Variants in SIRT3 observed in about 807,000 individuals in gnomAD.
The protein encoded by SIRT3 is sirtuin 3.
SIRT3 carries 26 observed loss-of-function variants against 33.5 expected under a neutral mutation model. That is an observed-to-expected ratio of 0.78 (90% CI 0.57 to 1.08). The LOEUF (loss-of-function observed/expected upper bound fraction) is 1.08, where lower values mean the gene tolerates loss of function less well. SIRT3 is among the 50% of genes least tolerant of loss of function. The pLI is 0.00. For missense variants in SIRT3, 585 were observed against 530.1 expected (o/e 1.10, Z -1.02); for synonymous variants, 237 against 222.1 (o/e 1.07, Z -0.60).
chr11:236,720 T>G (rs111653935), upstream of SIRT3: 226 of 425,624 alleles, frequency 5.3e-4, 1 homozygote, highest in African/African-American at 4.2e-3. Context: ...ACTGGGAAGA[T>G]CCTCATTTGA....
intron 1 of SIRT3, among the ~76,000 whole-genome samples, chr11:234,349 T>C (rs11607019): frequency 0.16 from 24,233 of 152,280 alleles, 2,469 homozygotes; most frequent in Non-Finnish European, 0.22. Context: ...TGCAATGGAC[T>C]ACTCCTCACA....
intron 4 of SIRT3, among the ~76,000 whole-genome samples, chr11:229,360 G>T (rs1203773506): frequency 6.6e-6 from 1 of 152,022 alleles, no homozygotes; most frequent in Non-Finnish European, 1.5e-5. Flanking sequence ...CAGGAGAATC[G>T]CTTGAACCCA....
rs1004775745 is a variant in SIRT3, at chr11:223,125, G to A, written c.969+953C>T. The A allele has an allele frequency of 6.5e-6, 1 of 153,446 alleles. No individual in the cohort carries two copies. The highest frequency in any genetic ancestry group is 2.4e-5 in the African/African-American group (1 of 41,416). 9.5% of individuals were successfully genotyped at this position (153,446 alleles called of 1,614,324 possible). On this transcript the variant is annotated intron_variant, in intron 5 of 6. Transcript: ENST00000382743. The surrounding 1 kb of genome is among the most constrained non-coding windows in gnomAD (Gnocchi z 4.8). ...GGTCTTTCTGGCCCTTCTGTCCTCG[G>A]TGCCTACATCCAGTCACGCACACAC... is the stretch of plus-strand genomic sequence containing the variant.
chr11:224,295 A>G, intron 4 of SIRT3, 56 bp from the exon 5 acceptor site: 1 of 1,548,184 alleles, frequency 6.5e-7, no homozygotes, highest in Non-Finnish European at 8.8e-7. Context: ...CTGTAAAAGG[A>G]AAAGGCAACA....
chr11:221,920 C>A (rs780362430), intron 5 of SIRT3, among the ~76,000 whole-genome samples: 9 of 151,746 alleles, frequency 5.9e-5, no homozygotes, highest in Non-Finnish European at 1.0e-4. Context: ...TGAGAGGACA[C>A]AGAATAAAAT....
chr11:224,217 A>G lies in SIRT3; in HGVS notation c.830T>C (p.Val277Ala). The change falls in exon 5 of 7, where the codon GTT becomes GCT. Residue 277 changes from valine (V) to alanine (A), a missense_variant. By Grantham distance (64) the Val-to-Ala change is moderately conservative. Transcript: ENST00000382743. Reference protein sequence around the residue: ...DIRADVMADRVPRCPVCTGVV... With the variant: ...DIRADVMADRAPRCPVCTGVV... ...GCCGGTGCAGACCGGGCAGCGGGGAACCCTGTCTGCCATCACGTCAGCCTG... is the reference window on the plus strand; with the variant it reads ...GCCGGTGCAGACCGGGCAGCGGGGAGCCCTGTCTGCCATCACGTCAGCCTG... The G allele has an allele frequency of 6.2e-7, 1 of 1,614,068 alleles. No individual in the cohort carries two copies. Among genetic ancestry groups the G allele is most frequent in the Non-Finnish European group, 8.5e-7 (1 of 1,180,022 alleles).
Position 215,267 on chromosome 11 carries a change from T to C in SIRT3, c.*1431A>G, listed in dbSNP as rs199547216. On this transcript the variant is annotated 3_prime_UTR_variant, in exon 7 of 7. Transcript: ENST00000382743. ...CAAAACCTTGTCTCTATTACAAATA[T>C]GCCCATGTGCTAGGTGTGGTGGGAC... Among the ~76,000 whole-genome samples the C allele has an allele frequency of 3.9e-5, 6 of 152,202 alleles. No homozygotes were observed. The South Asian group carries it at 6.2e-4, about 16-fold the overall frequency.
At chr11:234,559 C>A (rs1382953343) in intron 1 of SIRT3, among the ~76,000 whole-genome samples, 1 of 152,094 alleles carries the variant, frequency 6.6e-6, no homozygotes, top group Non-Finnish European at 1.5e-5. Flanking sequence ...GGACTACAGG[C>A]ACCCGCCACC....
At chr11:229,362 T>C (rs1276647141) in intron 4 of SIRT3, among the ~76,000 whole-genome samples, 1 of 152,084 alleles carries the variant, frequency 6.6e-6, no homozygotes, top group African/African-American at 2.4e-5. Flanking sequence ...GGAGAATCGC[T>C]TGAACCCAGG....
rs1045387864 is a variant in SIRT3 at position 215,667 on chromosome 11, G to C, written c.*1031C>G. ...GGAAGGAGGATGTGCAGGTGGGTGA[G>C]AGCCCAGGAGGGAGCAGCTGGTGCC... On this transcript the variant is annotated 3_prime_UTR_variant, in exon 7 of 7. Coordinates refer to ENST00000382743, the MANE Select transcript of SIRT3 (RefSeq NM_012239.6). 1 of 152,378 alleles carries C rather than the reference G, an allele frequency of 6.6e-6. No individual in the cohort carries two copies. Among genetic ancestry groups the C allele is most frequent in the Non-Finnish European group, 1.5e-5 (1 of 68,176 alleles). The allele number at this position is 152,378 out of a possible 1,614,324, so 9.4% of individuals were successfully genotyped here.
At chr11:233,720 A>G in intron 1 of SIRT3, 186 bp from the exon 2 acceptor site, 1 of 611,500 alleles carries the variant, frequency 1.6e-6, no homozygotes, top group African/African-American at 1.9e-5. Context: ...AGCAGTCATA[A>G]ATCAGAAATC....
intron 4 of SIRT3, among the ~76,000 whole-genome samples, chr11:227,626 A>G (rs1348074336): frequency 6.6e-6 from 1 of 151,774 alleles, no homozygotes; most frequent in Admixed American, 6.6e-5. Flanking sequence ...TCTCTTATTT[A>G]TTTATTTATT....
intron 4 of SIRT3, among the ~76,000 whole-genome samples, chr11:226,439 C>T (rs997765205): frequency 6.6e-6 from 1 of 152,100 alleles, no homozygotes; most frequent in Non-Finnish European, 1.5e-5. Flanking sequence ...GATGGCATCT[C>T]GCTCTGTCAC....
chr11:225,120 A>G (rs1321466413), intron 4 of SIRT3, among the ~76,000 whole-genome samples: 2 of 152,066 alleles, frequency 1.3e-5, no homozygotes, highest in Non-Finnish European at 1.5e-5. Flanking sequence ...TGAACTTGAA[A>G]TATCTATCAA....
intron 4 of SIRT3, among the ~76,000 whole-genome samples, chr11:229,438 C>G (rs1174231821): frequency 1.4e-5 from 2 of 144,106 alleles, no homozygotes; most frequent in Non-Finnish European, 3.1e-5. Flanking sequence ...GAGCTAGACT[C>G]CGTCTCAAAA....
chr11:218,389 T>A (rs1855946777), intron 6 of SIRT3, among the ~76,000 whole-genome samples: 1 of 152,200 alleles, frequency 6.6e-6, no homozygotes, highest in South Asian at 2.1e-4. Context: ...TTATAATTGA[T>A]CAATGGCTCT....
chr11:232,885 T>C, intron 3 of SIRT3, 98 bp downstream of exon 3: 1 of 1,153,206 alleles, frequency 8.7e-7, no homozygotes, highest in Non-Finnish European at 1.3e-6. Context: ...CACCCGAGCA[T>C]CCCCTGTGAG....
intron 6 of SIRT3, among the ~76,000 whole-genome samples, chr11:217,305 C>T (rs1002501125): frequency 4.0e-4 from 61 of 152,204 alleles, no homozygotes; most frequent in Non-Finnish European, 7.3e-5. Flanking sequence ...CAGAAATTAG[C>T]CAGGCATGGT....
At chr11:229,844 A>T (rs934626172) in intron 4 of SIRT3, among the ~76,000 whole-genome samples, 5 of 152,174 alleles carry the variant, frequency 3.3e-5, no homozygotes, top group Non-Finnish European at 7.3e-5. Flanking sequence ...AAAAACAAGG[A>T]CTCTCAAACG....
Sources: allele counts gnomAD v4.1 joint callset (sites outside exome capture counted in the v4.1 genomes callset), GRCh38; gene constraint gnomAD v4.1.1; non-coding constraint Gnocchi (gnomAD v3.1); transcripts MANE v1.5; gene names NCBI Gene and HGNC (gene_info 2026-07-23, HGNC 2026-07-21).